The following CENATAC variants were observed in gnomAD, a reference collection of about 807,000 sequenced individuals.
CENATAC encodes centrosomal AT-AC splicing factor, also known as coiled-coil domain containing 84.
A neutral mutation model predicts 53.7 loss-of-function variants in CENATAC; 53 were observed. That is an observed-to-expected ratio of 0.99 (90% confidence interval 0.79 to 1.24). CENATAC has a LOEUF of 1.24. Ranked by LOEUF, CENATAC falls within the 50% of genes most tolerant of loss-of-function variation. CENATAC has a pLI of 0.00. For synonymous variants in CENATAC, 156 were observed against 144.6 expected (o/e 1.08, Z -0.57); for missense variants, 474 against 417.8 (o/e 1.13, Z -1.17).
In CENATAC at chr11:119,011,300, G is replaced by T. The variant is rs1565668047; in HGVS notation, c.513+17G>T. ...GTCTTAGAGGTTGGTTTCCCTCGGA[G>T]GATCCAGACCAGTATCCAAATCCAC... On this transcript the variant is annotated intron_variant, in intron 5 of 10. Transcript: ENST00000334418. 1 of 1,613,264 alleles carries T rather than the reference G, an allele frequency of 6.2e-7. No individual in the cohort carries two copies. The highest frequency in any genetic ancestry group is 1.7e-5 in the Admixed American group (1 of 59,948).
At chr11:119,001,415 G>T (rs895230778) in intron 3 of CENATAC, among the ~76,000 whole-genome samples, 2 of 151,770 alleles carry the variant, frequency 1.3e-5, no homozygotes, top group Non-Finnish European at 2.9e-5. Context: ...TTTTGGAGAG[G>T]GAGTTTTGCT....
chr11:119,014,990 T>C lies in CENATAC; in HGVS notation c.716-4T>C. The C allele has an allele frequency of 1.3e-6, 2 of 1,571,928 alleles. No homozygotes were observed. The highest frequency in any genetic ancestry group is 1.7e-6 in the Non-Finnish European group (2 of 1,166,362). On this transcript the variant is annotated splice_polypyrimidine_tract_variant and splice_region_variant and intron_variant, in intron 8 of 10. Transcript: ENST00000334418. ...AAAAAAAAAAGCCTTAATTTTTTTT[T>C]CAGGTGCCACACCTCCCTGGATGAT...
At position 119,012,248 on chromosome 11, in the gene CENATAC, C is replaced by T. The variant is rs376394064; in HGVS notation, c.678C>T (p.Gly226=). Reference sequence around the variant, plus strand: ...CAGGACCATCTCTGACATTCATTGGCCATCAGGTACAAAGGATAAGCAAGC... The same window carrying T: ...CAGGACCATCTCTGACATTCATTGGTCATCAGGTACAAAGGATAAGCAAGC... ...METGPSLTFI[G]HQDIPGVGNI... Residue 226 remains glycine, a synonymous_variant, in exon 7 of 11, where the codon GGC becomes GGT. Coordinates refer to ENST00000334418, the MANE Select transcript of CENATAC (RefSeq NM_198489.3). The T allele has an allele frequency of 1.7e-4, 279 of 1,613,900 alleles. No homozygotes were observed. The highest frequency in any genetic ancestry group is 2.2e-4 in the Non-Finnish European group (264 of 1,180,000).
At chr11:119,011,417 A>G in intron 5 of CENATAC, 134 bp downstream of exon 5, 5 of 781,578 alleles carry the variant, frequency 6.4e-6, no homozygotes, top group Non-Finnish European at 8.1e-6. Flanking sequence ...TGTGTCACCC[A>G]GGCTGGAGTG....
At position 119,015,337 on chromosome 11, in the gene CENATAC, C is replaced by A. The variant is rs781823420; in HGVS notation, c.836C>A (p.Pro279Gln). 1 of 1,613,836 alleles carries A rather than the reference C, an allele frequency of 6.2e-7. No homozygotes were observed. The highest frequency in any genetic ancestry group is 1.1e-5 in the South Asian group (1 of 91,012). Residue 279 changes from proline (P) to glutamine (Q), a missense_variant, in exon 10 of 11, where the codon CCA becomes CAA. Pro to Gln is a moderately conservative substitution (Grantham distance 76, BLOSUM62 -1). Transcript: ENST00000334418. ...KEKQKLKKLPPDRVGANFDHS... is the reference protein window; with the variant it reads ...KEKQKLKKLPQDRVGANFDHS... ...AAACAGAAGTTGAAAAAACTCCCCC[C>A]AGACCGAGTTGGGGCCAACTTTGAT... is the stretch of plus-strand genomic sequence containing the variant.
At chr11:119,001,552 A>G in intron 3 of CENATAC, 2 of 445,548 alleles carry the variant, frequency 4.5e-6, no homozygotes, top group Non-Finnish European at 9.0e-6. Flanking sequence ...ATAAAAGACT[A>G]GTATCTACAT....
At chr11:119,006,126 C>T (rs533598145) in intron 3 of CENATAC, among the ~76,000 whole-genome samples, 30 of 115,866 alleles carry the variant, frequency 2.6e-4, no homozygotes, top group African/African-American at 8.9e-4. Context: ...CTTGCTCTGT[C>T]GCCAGGCTGG....
intron 8 of CENATAC, chr11:119,014,121 A>C (rs975720792): frequency 2.6e-5 from 4 of 152,260 alleles, no homozygotes; most frequent in Non-Finnish European, 5.9e-5. Flanking sequence ...TAGAGAAAAG[A>C]AAGCCTGTCT....
intron 3 of CENATAC, chr11:119,001,474 C>G (rs181159656): frequency 7.6e-4 from 293 of 387,204 alleles, no homozygotes; most frequent in African/African-American, 5.7e-3. Flanking sequence ...TCACTGCAAC[C>G]TCTGCCTCCC....
intron 3 of CENATAC, chr11:119,001,649 G>C: frequency 2.2e-6 from 1 of 455,832 alleles, no homozygotes; most frequent in South Asian, 1.5e-5. Flanking sequence ...TCAAATTGTT[G>C]CAAATCTCCA....
chr11:118,998,567 C>G lies in CENATAC; in HGVS notation c.258C>G (p.Tyr86Ter). ...HLSHGNLTVLYGGLLEHLASP... is the reference protein window; with the variant it reads ...HLSHGNLTVL ...GCCATGGAAACCTGACGGTGCTGTA[C>G]GGGGGGCTGCTGGAGCATCTGGCCA... Residue 86 changes from tyrosine to a stop codon, truncating the protein, a stop_gained, in exon 2 of 11, where the codon TAC (tyrosine) becomes TAG (stop). Coordinates refer to ENST00000334418, the MANE Select transcript of CENATAC (RefSeq NM_198489.3). LOFTEE classifies it high-confidence loss of function. 6.4e-7 allele frequency: 1 copy of G among 1,574,170 alleles called. No individual in the cohort carries two copies.
rs539709059 is a variant in CENATAC, at chr11:119,013,000, CTACT to C, written c.685-228_685-225del. The stretch of plus-strand genomic sequence containing the variant: ...GCTCCCCTGGCATGTAATAGCCACT[CTACT>C]TACAGACATCTCCACTGTTATGACT... On this transcript the variant is annotated intron_variant, in intron 7 of 10. Coordinates refer to ENST00000334418, the MANE Select transcript of CENATAC (RefSeq NM_198489.3). 7.9e-4 allele frequency: 354 copies of C among 447,708 alleles called. 1 individual carries two copies. The highest frequency in any genetic ancestry group is 6.5e-3 in the African/African-American group (319 of 48,786). The allele number at this position is 447,708 out of a possible 1,614,324, so 27.7% of individuals were successfully genotyped here.
Position 119,010,826 on chromosome 11 carries a change from A to C in CENATAC, c.446A>C (p.Lys149Thr). ...GAAGAAAAGGAGGATAAAGTGATCA[A>C]GGAGGTAAGTTAAAGTAGCAGTCCC... ...SYEEKEDKVIKEMAAQIREVE... is the reference protein window; with the variant it reads ...SYEEKEDKVITEMAAQIREVE... Residue 149 changes from lysine (K) to threonine (T), a missense_variant, in exon 4 of 11, where the codon AAG becomes ACG. Physicochemically the swap from Lys to Thr is moderately conservative, Grantham distance 78. Coordinates refer to ENST00000334418, the MANE Select transcript of CENATAC (RefSeq NM_198489.3). 1 of 1,614,036 alleles carries C rather than the reference A, an allele frequency of 6.2e-7. No individual in the cohort carries two copies. The highest frequency in any genetic ancestry group is 2.2e-5 in the East Asian group (1 of 44,878).
At chr11:119,013,802 G>A (rs893786233) in intron 8 of CENATAC, among the ~76,000 whole-genome samples, 1 of 151,096 alleles carries the variant, frequency 6.6e-6, no homozygotes, top group Non-Finnish European at 1.5e-5. Context: ...AAGATAAAGC[G>A]TATGTATCGG....
intron 3 of CENATAC, among the ~76,000 whole-genome samples, chr11:118,999,899 C>T (rs1592045773): frequency 6.6e-6 from 1 of 152,298 alleles, no homozygotes; most frequent in East Asian, 1.9e-4. Flanking sequence ...ACCTTGGCCT[C>T]CTAAAGTGCT....
rs1446588014 is a variant in CENATAC at position 119,010,500 on chromosome 11, C to T, written c.384-264C>T. On this transcript the variant is annotated intron_variant, in intron 3 of 10. Transcript: ENST00000334418. Reference sequence around the variant, plus strand: ...CATGGTTGTATAGAATGTTCCTCCTCTTGGGAGATGTGTGTTGAAAATAGG... The same window carrying T: ...CATGGTTGTATAGAATGTTCCTCCTTTTGGGAGATGTGTGTTGAAAATAGG... 5 of 480,212 alleles carry T rather than the reference C, an allele frequency of 1.0e-5. No individual in the cohort carries two copies. The East Asian group carries it at 1.6e-4, about 15-fold the overall frequency. The allele number at this position is 480,212 out of a possible 1,614,324, so 29.7% of individuals were successfully genotyped here. A position where few individuals can be genotyped will look rare whatever the true frequency, so the allele number is the denominator to read the frequency against.
chr11:119,007,194 C>T (rs1244840433), intron 3 of CENATAC, among the ~76,000 whole-genome samples: 1 of 151,830 alleles, frequency 6.6e-6, no homozygotes, highest in Non-Finnish European at 1.5e-5. Context: ...CTTTTCGTTT[C>T]TTTTTTTTGG....
In CENATAC at chr11:119,005,332, G is replaced by C. The variant is rs187305486; in HGVS notation, c.384-5432G>C. 1.5e-3 allele frequency among the ~76,000 whole-genome samples: 226 copies of C among 151,980 alleles called. No individual in the cohort carries two copies. The Middle Eastern group carries it at 0.02, about 14-fold the overall frequency. On this transcript the variant is annotated intron_variant, in intron 3 of 10. Coordinates refer to ENST00000334418, the MANE Select transcript of CENATAC (RefSeq NM_198489.3). Reference sequence around the variant, plus strand: ...ATACAAAAAATTACCCAGACGAGGTGGTGGGTGTGTGTAGTCCCAGCTACT... The same window carrying C: ...ATACAAAAAATTACCCAGACGAGGTCGTGGGTGTGTGTAGTCCCAGCTACT...
intron 3 of CENATAC, chr11:119,005,696 A>G (rs1781533969): frequency 6.6e-6 from 1 of 151,508 alleles, no homozygotes; most frequent in Non-Finnish European, 1.5e-5. Flanking sequence ...AGTTTCCAGG[A>G]ACTTCTGGTT....
Sources: gnomAD v4.1 joint callset for allele counts (sites outside exome capture counted in the v4.1 genomes callset) on GRCh38, gnomAD v4.1.1 for gene constraint, MANE v1.5 for transcripts, NCBI Gene and HGNC (gene_info 2026-07-23, HGNC 2026-07-21) for gene names.